ARB2A: variants seen among roughly 807,000 people sequenced by gnomAD.
The protein encoded by ARB2A is cotranscriptional regulator ARB2A.
chr5:94,097,362 T>A, the ARB2A span, among the ~76,000 whole-genome samples: 1 of 152,170 alleles, frequency 6.6e-6, no homozygotes, highest in African/African-American at 2.4e-5. Flanking sequence ...CACCTAACCA[T>A]CGAAGAACTT....
At chr5:93,935,473 A>G in the ARB2A span, among the ~76,000 whole-genome samples, 127 of 152,346 alleles carry the variant, frequency 8.3e-4, no homozygotes, top group African/African-American at 2.9e-3. Context: ...TAGAAGAAGC[A>G]TAACATGCTT....
the ARB2A span, among the ~76,000 whole-genome samples, chr5:93,883,046 G>A: frequency 1.3e-5 from 2 of 151,440 alleles, no homozygotes; most frequent in Admixed American, 1.3e-4. Flanking sequence ...AAAATATGCT[G>A]CATTACTGCA....
chr5:93,907,659 G>A, the ARB2A span, among the ~76,000 whole-genome samples: 11 of 151,384 alleles, frequency 7.3e-5, 1 homozygote, highest in Admixed American at 5.3e-4. Context: ...TGGACATCTC[G>A]AGTCACCAGT....
chr5:94,055,581 T>G, the ARB2A span: 1 of 973,404 alleles, frequency 1.0e-6, no homozygotes, highest in Non-Finnish European at 1.2e-6. Flanking sequence ...TACACTCTAG[T>G]AAGACAAAAA....
At chr5:94,002,298 T>G in the ARB2A span, among the ~76,000 whole-genome samples, 3 of 152,118 alleles carry the variant, frequency 2.0e-5, no homozygotes, top group Non-Finnish European at 2.9e-5. Context: ...AAGGAAGATT[T>G]TTCTGATATT....
At chr5:93,906,860 G>A in the ARB2A span, among the ~76,000 whole-genome samples, 1 of 151,416 alleles carries the variant, frequency 6.6e-6, no homozygotes, top group South Asian at 2.1e-4. Flanking sequence ...CAGTACACAA[G>A]AAAAGAAGAC....
the ARB2A span, among the ~76,000 whole-genome samples, chr5:93,974,993 G>C: frequency 6.6e-6 from 1 of 152,108 alleles, no homozygotes; most frequent in South Asian, 2.1e-4. Context: ...AGGAAAGTTT[G>C]TAGTGCTAAA....
At chr5:93,922,324 G>T in the ARB2A span, among the ~76,000 whole-genome samples, 2 of 151,710 alleles carry the variant, frequency 1.3e-5, no homozygotes, top group African/African-American at 4.8e-5. Flanking sequence ...TCAAGATAAG[G>T]ATCTTGGGAT....
At chr5:93,974,726 GA>G in the ARB2A span, among the ~76,000 whole-genome samples, 1 of 151,638 alleles carries the variant, frequency 6.6e-6, no homozygotes, top group East Asian at 1.9e-4. Flanking sequence ...TAAATTTTTT[GA>G]AAAAACTAAA....
At chr5:93,901,134 CT>C in the ARB2A span, among the ~76,000 whole-genome samples, 1 of 152,164 alleles carries the variant, frequency 6.6e-6, no homozygotes. Context: ...GCTAGCCAAC[CT>C]TTTAGAAATC....
chr5:93,661,225 G>A, the ARB2A span, among the ~76,000 whole-genome samples: 1 of 152,096 alleles, frequency 6.6e-6, no homozygotes, highest in African/African-American at 2.4e-5. Context: ...AGAGTACTAT[G>A]GGAGCATATG....
At chr5:93,819,134 C>T in the ARB2A span, among the ~76,000 whole-genome samples, 1 of 130,930 alleles carries the variant, frequency 7.6e-6, no homozygotes, top group African/African-American at 2.9e-5. Flanking sequence ...TGCAGTGAGT[C>T]GAGATCGCGC....
the ARB2A span, among the ~76,000 whole-genome samples, chr5:94,098,248 C>T: frequency 7.9e-5 from 12 of 152,088 alleles, no homozygotes; most frequent in Non-Finnish European, 1.3e-4. Flanking sequence ...ATGAAGAACC[C>T]GTGGAAGGAC....
chr5:93,714,128 C>G, the ARB2A span, among the ~76,000 whole-genome samples: 1 of 152,158 alleles, frequency 6.6e-6, no homozygotes, highest in Non-Finnish European at 1.5e-5. Flanking sequence ...ACATCTGTAA[C>G]ATGCAGTTTC....
At chr5:93,804,659 T>C in the ARB2A span, among the ~76,000 whole-genome samples, 1 of 151,794 alleles carries the variant, frequency 6.6e-6, no homozygotes, top group Non-Finnish European at 1.5e-5. Flanking sequence ...AATATATATA[T>C]TGTTCATTTA....
the ARB2A span, among the ~76,000 whole-genome samples, chr5:93,922,438 G>A: frequency 2.8e-4 from 43 of 151,652 alleles, no homozygotes; most frequent in African/African-American, 9.9e-4. Flanking sequence ...GGAGGCCGAG[G>A]CAGGCAGATC....
chr5:93,783,487 T>C, the ARB2A span, among the ~76,000 whole-genome samples: 3 of 152,128 alleles, frequency 2.0e-5, no homozygotes, highest in Non-Finnish European at 4.4e-5. Flanking sequence ...CAGTGTACCA[T>C]GAAGGCTGGT....
chr5:93,934,189 G>C, the ARB2A span, among the ~76,000 whole-genome samples: 1 of 152,126 alleles, frequency 6.6e-6, no homozygotes, highest in Non-Finnish European at 1.5e-5. Flanking sequence ...ATTTAACCAT[G>C]TACATGGTTG....
the ARB2A span, among the ~76,000 whole-genome samples, chr5:93,947,702 T>C: frequency 7.9e-6 from 1 of 126,156 alleles, no homozygotes; most frequent in Admixed American, 9.7e-5. Context: ...GAGTGCGATG[T>C]TCCCCTTCCT....
Sources: gnomAD v4.1 joint callset for allele counts (sites outside exome capture counted in the v4.1 genomes callset) on GRCh38, gnomAD v4.1.1 for gene constraint, MANE v1.5 for transcripts, NCBI Gene and HGNC (gene_info 2026-07-23, HGNC 2026-07-21) for gene names.